The following STAG1 variants were observed in gnomAD, a reference collection of about 807,000 sequenced individuals.
STAG1 encodes STAG1 cohesin complex component.
Under a neutral mutation model 170.9 loss-of-function variants are expected in STAG1, and 26 were observed. That is an observed-to-expected ratio of 0.15 (90% CI 0.11 to 0.21). The LOEUF (loss-of-function observed/expected upper bound fraction) is 0.21. STAG1 is among the 10% of genes least tolerant of loss of function. The pLI is 1.00. For missense variants in STAG1, 964 were observed against 1,509.5 expected (o/e 0.64, Z 5.99); for synonymous variants, 514 against 497.7 (o/e 1.03, Z -0.44).
chr3:136,684,335 A>G (rs1942437170), intron 1 of STAG1, among the ~76,000 whole-genome samples: 1 of 152,250 alleles, frequency 6.6e-6, no homozygotes, highest in Non-Finnish European at 1.5e-5. Context: ...AATACGACAA[A>G]TAGATCAACA....
At chr3:136,548,124 T>C (rs140053832) in intron 5 of STAG1, among the ~76,000 whole-genome samples, 1 of 151,910 alleles carries the variant, frequency 6.6e-6, no homozygotes, top group South Asian at 2.1e-4. Context: ...GTTTTGTTTT[T>C]TTTTTTTGAG....
chr3:136,405,860 C>T (rs922057496), intron 21 of STAG1, among the ~76,000 whole-genome samples: 7 of 129,520 alleles, frequency 5.4e-5, no homozygotes, highest in African/African-American at 5.8e-5. Context: ...CCACTATATA[C>T]TTAGAAGGAT....
intron 14 of STAG1, among the ~76,000 whole-genome samples, chr3:136,443,715 A>C (rs2088697000): frequency 6.6e-6 from 1 of 152,198 alleles, no homozygotes; most frequent in African/African-American, 2.4e-5. Flanking sequence ...GATCTAGGTC[A>C]CTTTTCCCTA....
chr3:136,507,940 A>G (rs1933853009), intron 7 of STAG1, among the ~76,000 whole-genome samples: 1 of 152,180 alleles, frequency 6.6e-6, no homozygotes, highest in South Asian at 2.1e-4. Context: ...AAAAAAGATG[A>G]CAACTGGAGC....
At chr3:136,396,209 G>GTTTTTTT (rs1157402968) in intron 22 of STAG1, among the ~76,000 whole-genome samples, 5 of 87,936 alleles carry the variant, frequency 5.7e-5, no homozygotes, top group Non-Finnish European at 4.2e-5. Context: ...GTGTAACACA[G>GTTTTTTT]TTTTTTTTTT....
chr3:136,439,014 T>C (rs1017283782), intron 15 of STAG1, among the ~76,000 whole-genome samples: 7 of 151,242 alleles, frequency 4.6e-5, no homozygotes, highest in Non-Finnish European at 8.8e-5. Flanking sequence ...CTGGCCAACA[T>C]GGGGAAACCG....
At chr3:136,385,438 T>C (rs2086845791) in intron 22 of STAG1, among the ~76,000 whole-genome samples, 2 of 152,204 alleles carry the variant, frequency 1.3e-5, no homozygotes, top group Non-Finnish European at 2.9e-5. Flanking sequence ...AGACCCTGTC[T>C]CTACAGAAAA....
intron 9 of STAG1, among the ~76,000 whole-genome samples, chr3:136,488,029 A>T (rs2090051213): frequency 6.6e-6 from 1 of 152,234 alleles, no homozygotes; most frequent in African/African-American, 2.4e-5. Context: ...GACTTGGAGG[A>T]TGCTTTGATT....
chr3:136,354,345 T>A (rs1325984553), intron 28 of STAG1, among the ~76,000 whole-genome samples: 1 of 152,120 alleles, frequency 6.6e-6, no homozygotes, highest in African/African-American at 2.4e-5. Flanking sequence ...CAGGGTGGAG[T>A]GCAGTGGCAC....
In STAG1 at chr3:136,464,855, C is replaced by T. The variant is rs533062393; in HGVS notation, c.1313+26G>A. 3 of 1,570,088 alleles carry T rather than the reference C, an allele frequency of 1.9e-6. No individual in the cohort carries two copies. In the South Asian group the frequency reaches 3.5e-5, roughly 18 times the overall value. On this transcript the variant is annotated intron_variant, in intron 13 of 33. Transcript: ENST00000383202. ...AAGAAAACAACATAGAAAAGTAGAACCGGTTTTCAAAGATAATTAGCTCAC... is the reference window on the plus strand; with the variant it reads ...AAGAAAACAACATAGAAAAGTAGAATCGGTTTTCAAAGATAATTAGCTCAC...
rs1382717087 is a variant in STAG1, at chr3:136,430,563, TG to T, written c.1650+2992del. Among the ~76,000 whole-genome samples the T allele has an allele frequency of 4.1e-5, 6 of 147,880 alleles. No homozygotes were observed. In the Admixed American group the frequency reaches 4.1e-4, roughly 10 times the overall value. ...ATTTTTTGGCTTCCCTGGGCCACAA[TG>T]GAAGAACAATTGTCTGGGGCTACAC... On this transcript the variant is annotated intron_variant, in intron 16 of 33. Transcript: ENST00000383202.
At chr3:136,401,179 A>C (rs1370357966) in intron 21 of STAG1, among the ~76,000 whole-genome samples, 1 of 152,228 alleles carries the variant, frequency 6.6e-6, no homozygotes, top group Non-Finnish European at 1.5e-5. Flanking sequence ...CCTCTCCTGG[A>C]AACCGCCCAT....
At chr3:136,358,918 CAAT>C (rs1396602032) in intron 27 of STAG1, among the ~76,000 whole-genome samples, 2 of 152,074 alleles carry the variant, frequency 1.3e-5, no homozygotes, top group South Asian at 2.1e-4. Context: ...ACAGACCAGA[CAAT>C]AATATGTTAT....
At chr3:136,582,766 TCCAG>T (rs2107781151) in intron 4 of STAG1, among the ~76,000 whole-genome samples, 1 of 152,132 alleles carries the variant, frequency 6.6e-6, no homozygotes, top group East Asian at 1.9e-4. Flanking sequence ...GCCACTGTAC[TCCAG>T]CCTAGGCAAC....
At chr3:136,368,786 T>C (rs539138842) in intron 24 of STAG1, among the ~76,000 whole-genome samples, 1 of 152,340 alleles carries the variant, frequency 6.6e-6, no homozygotes, top group Non-Finnish European at 1.5e-5. Flanking sequence ...GAGACTTCAC[T>C]ATGTACATTT....
intron 16 of STAG1, among the ~76,000 whole-genome samples, chr3:136,424,091 G>C (rs9835523): frequency 0.04 from 6,150 of 152,026 alleles, 158 homozygotes; most frequent in East Asian, 0.13. Flanking sequence ...TCAAACTCCT[G>C]ACCTCAAGTG....
intron 5 of STAG1, among the ~76,000 whole-genome samples, chr3:136,558,130 G>A (rs1936698059): frequency 6.6e-6 from 1 of 152,168 alleles, no homozygotes; most frequent in African/African-American, 2.4e-5. Context: ...GGTGGCTCAT[G>A]CCTGTAATCC....
intron 1 of STAG1, among the ~76,000 whole-genome samples, chr3:136,700,537 A>C (rs143095010): frequency 1.0e-3 from 152 of 151,770 alleles, no homozygotes; most frequent in Admixed American, 1.8e-3. Context: ...CTCCTGCCTC[A>C]GCCTCCCAAG....
intron 5 of STAG1, among the ~76,000 whole-genome samples, chr3:136,554,561 C>G (rs1936530543): frequency 6.6e-6 from 1 of 152,064 alleles, no homozygotes; most frequent in South Asian, 2.1e-4. Context: ...GAAAACAATA[C>G]AAAAAGTTAA....
Sources: allele counts gnomAD v4.1 joint callset (sites outside exome capture counted in the v4.1 genomes callset), GRCh38; gene constraint gnomAD v4.1.1; transcripts MANE v1.5; gene names NCBI Gene and HGNC (gene_info 2026-07-23, HGNC 2026-07-21).